SLC35F4: variants seen among roughly 807,000 people sequenced by gnomAD.
SLC35F4 encodes the protein chromosome 14 open reading frame 36.
In SLC35F4, 24 loss-of-function variants were observed where a neutral mutation model predicts 44.2. The ratio of observed to expected loss-of-function variants is 0.54; its 90% CI spans 0.39 to 0.76. The LOEUF is 0.76. Ranked by LOEUF, SLC35F4 falls within the 30% of genes least tolerant of loss-of-function variation. SLC35F4 has a pLI of 0.00. For synonymous variants in SLC35F4, 238 were observed against 223.6 expected, an observed-to-expected ratio of 1.06 and a Z score of -0.57; for missense variants, 562 against 586.1, an observed-to-expected ratio of 0.96 and a Z score of 0.42.
intron 1 of SLC35F4, among the ~76,000 whole-genome samples, chr14:57,658,262 CTATGA>C (rs1023341541): frequency 2.6e-5 from 4 of 152,118 alleles, no homozygotes; most frequent in South Asian, 2.1e-4. Flanking sequence ...AAGCAGTTAG[CTATGA>C]TATAATATGA....
At chr14:57,759,337 TG>T (rs1361008569) in intron 1 of SLC35F4, among the ~76,000 whole-genome samples, 5 of 152,110 alleles carry the variant, frequency 3.3e-5, no homozygotes, top group South Asian at 2.1e-4. Context: ...CCCAGCACTT[TG>T]GGAGGGTGAT....
At chr14:57,573,409 G>C (rs1393361744) in intron 4 of SLC35F4, among the ~76,000 whole-genome samples, 1 of 152,120 alleles carries the variant, frequency 6.6e-6, no homozygotes, top group Admixed American at 6.5e-5. Context: ...GATGGGAGGT[G>C]GTTTTCTTGC....
At chr14:57,667,886 C>G (rs1485897189) in intron 1 of SLC35F4, among the ~76,000 whole-genome samples, 2 of 141,872 alleles carry the variant, frequency 1.4e-5, no homozygotes, top group Non-Finnish European at 3.1e-5. Context: ...ATTTCTAGTT[C>G]TAGATCCCTG....
At chr14:57,669,768 C>T (rs930642107) in intron 1 of SLC35F4, among the ~76,000 whole-genome samples, 91 of 152,082 alleles carry the variant, frequency 6.0e-4, no homozygotes, top group African/African-American at 2.0e-3. Flanking sequence ...TCAATGTTCA[C>T]CAGGGATATT....
chr14:57,686,597 T>C (rs536362676), intron 1 of SLC35F4, among the ~76,000 whole-genome samples: 2 of 152,290 alleles, frequency 1.3e-5, no homozygotes, highest in South Asian at 4.2e-4. Flanking sequence ...AGCATGCAGT[T>C]AGAAGATTGT....
chr14:57,571,174 G>A (rs1344389218), intron 5 of SLC35F4, among the ~76,000 whole-genome samples: 2 of 152,168 alleles, frequency 1.3e-5, no homozygotes, highest in African/African-American at 4.8e-5. Context: ...AATACATCCA[G>A]AAAGTTGACT....
rs570205570 is a variant in SLC35F4 at position 57,627,868 on chromosome 14, G to A, written c.104-33744C>T. On this transcript the variant is annotated intron_variant, in intron 1 of 7. Transcript: ENST00000556826. The stretch of plus-strand genomic sequence containing the variant: ...AGATTGAATGTTAGTCAATGTCTCC[G>A]AGTCAAAAGGACTGACAATTTCATC... 5.3e-5 allele frequency among the ~76,000 whole-genome samples: 8 copies of A among 151,896 alleles called. No homozygotes were observed. The South Asian group carries it at 8.3e-4, about 16-fold the overall frequency.
chr14:57,661,094 C>A (rs747377743), intron 1 of SLC35F4, among the ~76,000 whole-genome samples: 14 of 152,136 alleles, frequency 9.2e-5, no homozygotes, highest in Admixed American at 2.6e-4. Context: ...TGTGACCATG[C>A]GAATCGAGTT....
intron 1 of SLC35F4, among the ~76,000 whole-genome samples, chr14:57,774,027 A>T (rs953819966): frequency 1.3e-5 from 2 of 152,172 alleles, no homozygotes; most frequent in Non-Finnish European, 2.9e-5. Flanking sequence ...TACACCATCC[A>T]TGTATTAAAA....
At chr14:57,858,499 G>A (rs557727845) in intron 1 of SLC35F4, among the ~76,000 whole-genome samples, 58 of 151,970 alleles carry the variant, frequency 3.8e-4, no homozygotes, top group Non-Finnish European at 5.4e-4. Context: ...TTGGACACAG[G>A]AAGGGGAACA....
At position 57,569,913 on chromosome 14, in the gene SLC35F4, C is replaced by T; in HGVS notation, c.1001G>A (p.Gly334Asp). Residue 334 changes from glycine to aspartate, a missense_variant, in exon 6 of 8, where the codon GGT becomes GAT. Coordinates refer to ENST00000556826, the MANE Select transcript of SLC35F4 (RefSeq NM_001306087.2). ...GGAGATGAAGATCAAATTGAAGAAA[C>T]CCAAGGTGGAGACAAAGTGTGCAGC... ...GEAAHFVSTL[G>D]FFNLIFISFT... 6.2e-7 allele frequency: 1 copy of T among 1,612,940 alleles called. No individual in the cohort carries two copies. Among genetic ancestry groups the T allele is most frequent in the Non-Finnish European group, 8.5e-7 (1 of 1,179,510 alleles).
At chr14:57,590,434 C>G (rs1438254881) in intron 2 of SLC35F4, among the ~76,000 whole-genome samples, 1 of 151,846 alleles carries the variant, frequency 6.6e-6, no homozygotes, top group African/African-American at 2.4e-5. Context: ...AGTAATGTGT[C>G]CCAAGAATAG....
intron 1 of SLC35F4, among the ~76,000 whole-genome samples, chr14:57,920,716 G>A (rs1889424698): frequency 6.6e-6 from 1 of 152,210 alleles, no homozygotes; most frequent in African/African-American, 2.4e-5. Flanking sequence ...GAAAAGACAG[G>A]TGTAAAATTA....
intron 1 of SLC35F4, among the ~76,000 whole-genome samples, chr14:57,925,362 G>GA (rs1555401950): frequency 6.6e-6 from 1 of 151,748 alleles, no homozygotes; most frequent in Non-Finnish European, 1.5e-5. Context: ...ATAATGAAGA[G>GA]TTTTTTTGAA....
intron 1 of SLC35F4, among the ~76,000 whole-genome samples, chr14:57,889,896 G>A (rs1260940580): frequency 6.6e-6 from 1 of 152,114 alleles, no homozygotes; most frequent in Non-Finnish European, 1.5e-5. Flanking sequence ...CACTACAAGT[G>A]CCAAGCTTCA....
At chr14:57,611,357 T>C (rs1219256741) in intron 1 of SLC35F4, among the ~76,000 whole-genome samples, 1 of 152,100 alleles carries the variant, frequency 6.6e-6, no homozygotes, top group Non-Finnish European at 1.5e-5. Flanking sequence ...CATATGAAGT[T>C]GGGTGTATTC....
intron 1 of SLC35F4, among the ~76,000 whole-genome samples, chr14:57,731,858 T>C (rs2076352977): frequency 6.6e-6 from 1 of 152,176 alleles, no homozygotes; most frequent in East Asian, 1.9e-4. Flanking sequence ...GGCAAAAGCA[T>C]AGAAAAGCTA....
intron 1 of SLC35F4, among the ~76,000 whole-genome samples, chr14:57,636,475 A>G (rs2073023384): frequency 6.6e-6 from 1 of 152,122 alleles, no homozygotes; most frequent in African/African-American, 2.4e-5. Context: ...TCCATTAATT[A>G]GTGAGGCAGT....
intron 1 of SLC35F4, among the ~76,000 whole-genome samples, chr14:57,658,309 T>C (rs1357902097): frequency 6.6e-6 from 1 of 152,204 alleles, no homozygotes; most frequent in Non-Finnish European, 1.5e-5. Flanking sequence ...TTAATAAAAC[T>C]GATGCCAAAT....
Sources: allele counts gnomAD v4.1 joint callset (sites outside exome capture counted in the v4.1 genomes callset), GRCh38; gene constraint gnomAD v4.1.1; transcripts MANE v1.5; gene names NCBI Gene and HGNC (gene_info 2026-07-23, HGNC 2026-07-21).